The following MAPK8 variants were observed in gnomAD, a reference collection of about 807,000 sequenced individuals.
MAPK8 encodes the protein mitogen-activated protein kinase 8, also known as JUN N-terminal kinase.
In MAPK8, 13 loss-of-function variants were observed where a neutral mutation model predicts 52.9. The ratio of observed to expected loss-of-function variants is 0.25; its 90% CI spans 0.16 to 0.39. The LOEUF (loss-of-function observed/expected upper bound fraction) is 0.39. MAPK8 is among the 10% of genes least tolerant of loss of function. The pLI is 1.00. For missense variants in MAPK8, 300 were observed against 519.2 expected (o/e 0.58, Z 4.10); for synonymous variants, 191 against 169.8 (o/e 1.12, Z -0.97).
chr10:48,340,309 C>T (rs1211633950), intron 1 of MAPK8, among the ~76,000 whole-genome samples: 3 of 152,170 alleles, frequency 2.0e-5, no homozygotes, highest in East Asian at 1.9e-4. Context: ...AGAAAAATAC[C>T]GTATGTTCTT....
In MAPK8 at chr10:48,331,817, A is replaced by G. The variant is rs573311806; in HGVS notation, c.-50+24996A>G. Among the ~76,000 whole-genome samples the G allele has an allele frequency of 7.2e-5, 11 of 152,298 alleles. No individual in the cohort carries two copies. The South Asian group carries it at 2.3e-3, about 32-fold the overall frequency. ...CTGCCCAAATATGGGTGCCCCTATA[A>G]TAACTCATAGGGGGATAATCCCAAG... On this transcript the variant is annotated intron_variant, in intron 1 of 11. Coordinates refer to ENST00000374189, the MANE Select transcript of MAPK8 (RefSeq NM_001323329.2).
intron 1 of MAPK8, among the ~76,000 whole-genome samples, chr10:48,351,549 A>G (rs1047720404): frequency 1.3e-5 from 2 of 152,082 alleles, no homozygotes; most frequent in Admixed American, 1.3e-4. Context: ...ACAGTGCTTC[A>G]ACAAGCAGTT....
chr10:48,401,666 C>T lies in MAPK8; in HGVS notation c.6C>T (p.Ser2=). 1 of 1,610,002 alleles carries T rather than the reference C, an allele frequency of 6.2e-7. No individual in the cohort carries two copies. Among genetic ancestry groups the T allele is most frequent in the Non-Finnish European group, 8.5e-7 (1 of 1,178,362 alleles). The change falls in exon 2 of 12, where the codon AGC becomes AGT. Residue 2 remains serine (S), a synonymous_variant. Transcript: ENST00000374189. ...TAAATTAATTGCTTGCCATCATGAG[C>T]AGAAGCAAGCGTGACAACAATTTTT... The part of the protein sequence containing the change: M[S]RSKRDNNFYS...
At chr10:48,417,700 T>C (rs1352472200) in intron 5 of MAPK8, among the ~76,000 whole-genome samples, 1 of 152,174 alleles carries the variant, frequency 6.6e-6, no homozygotes, top group Non-Finnish European at 1.5e-5. Context: ...GACAAGTGAC[T>C]GAACCTATCG....
chr10:48,353,477 C>T (rs1332803912), intron 1 of MAPK8, among the ~76,000 whole-genome samples: 1 of 152,208 alleles, frequency 6.6e-6, no homozygotes, highest in Non-Finnish European at 1.5e-5. Flanking sequence ...AAAAGAGACT[C>T]AGTGGAGGAA....
At chr10:48,395,496 C>G (rs2041841524) in intron 1 of MAPK8, among the ~76,000 whole-genome samples, 2 of 151,984 alleles carry the variant, frequency 1.3e-5, no homozygotes, top group Admixed American at 6.6e-5. Context: ...GCAATGATTT[C>G]TTAGACATAC....
intron 1 of MAPK8, among the ~76,000 whole-genome samples, chr10:48,365,534 C>A (rs1371461590): frequency 6.6e-6 from 1 of 152,038 alleles, no homozygotes; most frequent in East Asian, 1.9e-4. Flanking sequence ...ATATTGCCGT[C>A]AGTACTATTA....
chr10:48,324,130 C>T (rs895892356), intron 1 of MAPK8, among the ~76,000 whole-genome samples: 1 of 152,134 alleles, frequency 6.6e-6, no homozygotes, highest in Admixed American at 6.6e-5. Context: ...TTGTCATATT[C>T]GTTTATGTCT....
Position 48,314,358 on chromosome 10 carries a change from T to C in MAPK8, c.-50+7537T>C, listed in dbSNP as rs186679934. ...CTAAAGGTCTCTCCTCCAGATACTA[T>C]CAAGTTAGAGGGTAGGCCTTCAACA... On this transcript the variant is annotated intron_variant, in intron 1 of 11. Transcript: ENST00000374189. 3.9e-5 allele frequency among the ~76,000 whole-genome samples: 6 copies of C among 152,242 alleles called. No homozygotes were observed. The East Asian group carries it at 1.2e-3, about 29-fold the overall frequency.
intron 1 of MAPK8, among the ~76,000 whole-genome samples, chr10:48,331,631 C>G (rs1046344981): frequency 1.1e-4 from 16 of 152,180 alleles, no homozygotes; most frequent in African/African-American, 2.7e-4. Flanking sequence ...TCTTAATCAG[C>G]ACCAAGTTGC....
intron 1 of MAPK8, among the ~76,000 whole-genome samples, chr10:48,309,903 A>G (rs1485788413): frequency 6.6e-6 from 1 of 152,220 alleles, no homozygotes; most frequent in African/African-American, 2.4e-5. Flanking sequence ...TTATAACCAC[A>G]TAGCTTTATA....
rs771642181 is a variant in MAPK8, at chr10:48,425,834, A to AATACATT, written c.689-54_689-53insATACATT. On this transcript the variant is annotated intron_variant, in intron 7 of 11. Transcript: ENST00000374189. ...TCTATTTTCTTGTAATATGAATATG[A>AATACATT]CTAATGTATTGAACATTAGTTATGG... 0.52 allele frequency: 505,672 copies of AATACATT among 980,224 alleles called. 135,339 individuals are homozygous for AATACATT. The highest frequency in any genetic ancestry group is 0.64 in the East Asian group (25,682 of 39,820). The allele number at this position is 980,224 out of a possible 1,614,324, so 60.7% of individuals were successfully genotyped here. A position where few individuals can be genotyped will look rare whatever the true frequency, so the allele number is the denominator to read the frequency against.
intron 5 of MAPK8, among the ~76,000 whole-genome samples, chr10:48,412,150 T>C (rs2042791662): frequency 6.6e-6 from 1 of 152,208 alleles, no homozygotes; most frequent in South Asian, 2.1e-4. Flanking sequence ...CTGGCCTCTT[T>C]CAGCACTTTA....
At chr10:48,422,582 A>G (rs2043430443) in intron 6 of MAPK8, among the ~76,000 whole-genome samples, 1 of 152,186 alleles carries the variant, frequency 6.6e-6, no homozygotes, top group Non-Finnish European at 1.5e-5. Context: ...TTACCAAATA[A>G]GTTGTAAGCT....
intron 1 of MAPK8, among the ~76,000 whole-genome samples, chr10:48,357,449 C>T (rs1161142781): frequency 1.3e-5 from 2 of 152,148 alleles, no homozygotes; most frequent in African/African-American, 2.4e-5. Flanking sequence ...TGCTGGAGTG[C>T]GGTGGCATGA....
intron 1 of MAPK8, among the ~76,000 whole-genome samples, chr10:48,395,751 A>G (rs954677588): frequency 1.3e-5 from 2 of 152,088 alleles, no homozygotes; most frequent in Non-Finnish European, 2.9e-5. Flanking sequence ...AACATACAGC[A>G]TTATACTCAG....
intron 10 of MAPK8, among the ~76,000 whole-genome samples, chr10:48,428,075 T>A (rs750485416): frequency 2.0e-5 from 3 of 152,236 alleles, no homozygotes. Context: ...ATGGTAGTAG[T>A]GTACACTTCC....
chr10:48,333,784 G>A (rs1035209674), intron 1 of MAPK8, among the ~76,000 whole-genome samples: 3 of 152,232 alleles, frequency 2.0e-5, no homozygotes, highest in Non-Finnish European at 4.4e-5. Context: ...ATGCCTCTGC[G>A]GGGGAACGTT....
intron 5 of MAPK8, among the ~76,000 whole-genome samples, chr10:48,417,875 T>A (rs536380345): frequency 1.1e-3 from 168 of 152,324 alleles, no homozygotes; most frequent in Middle Eastern, 3.4e-3. Context: ...CTACTTCTTT[T>A]AAATGCAACC....
Sources: allele counts gnomAD v4.1 joint callset (sites outside exome capture counted in the v4.1 genomes callset), GRCh38; gene constraint gnomAD v4.1.1; transcripts MANE v1.5; gene names NCBI Gene and HGNC (gene_info 2026-07-23, HGNC 2026-07-21).